ENTREP2: variants seen among roughly 807,000 people sequenced by gnomAD.
ENTREP2 encodes the protein endosomal transmembrane epsin interactor 2.
At chr15:29,514,083 T>TA in the ENTREP2 span, among the ~76,000 whole-genome samples, 1 of 152,330 alleles carries the variant, frequency 6.6e-6, no homozygotes, top group East Asian at 1.9e-4. Context: ...TTTTATGTGG[T>TA]AAAAAACATG....
chr15:29,319,760 T>C, the ENTREP2 span, among the ~76,000 whole-genome samples: 4 of 152,128 alleles, frequency 2.6e-5, no homozygotes, highest in Non-Finnish European at 5.9e-5. Context: ...CCGGCTGAGA[T>C]CTGCTCACCT....
At chr15:29,399,308 A>G in the ENTREP2 span, among the ~76,000 whole-genome samples, 9 of 152,370 alleles carry the variant, frequency 5.9e-5, no homozygotes, top group South Asian at 8.3e-4. Context: ...GAAACTCTGA[A>G]ATAATAAGGT....
the ENTREP2 span, among the ~76,000 whole-genome samples, chr15:29,241,240 G>A: frequency 1.3e-5 from 2 of 152,202 alleles, no homozygotes; most frequent in Non-Finnish European, 2.9e-5. Context: ...CTTCTCAGCA[G>A]GGGTAAAGTA....
At chr15:29,622,472 T>C in the ENTREP2 span, among the ~76,000 whole-genome samples, 2 of 152,144 alleles carry the variant, frequency 1.3e-5, no homozygotes, top group Non-Finnish European at 2.9e-5. Flanking sequence ...CCTCCCAAAG[T>C]GCTAAGATTA....
the ENTREP2 span, among the ~76,000 whole-genome samples, chr15:29,632,436 AT>A: frequency 6.6e-6 from 1 of 152,014 alleles, no homozygotes; most frequent in Non-Finnish European, 1.5e-5. Context: ...TGTTTCTTTT[AT>A]TTTCAAATAC....
the ENTREP2 span, among the ~76,000 whole-genome samples, chr15:29,417,690 G>A: frequency 6.6e-6 from 1 of 151,788 alleles, no homozygotes; most frequent in Non-Finnish European, 1.5e-5. Context: ...CGTAAAAAAA[G>A]AAATGTTGAT....
the ENTREP2 span, among the ~76,000 whole-genome samples, chr15:29,535,868 G>A: frequency 2.6e-5 from 4 of 151,960 alleles, no homozygotes; most frequent in African/African-American, 9.7e-5. Context: ...GACAGTGTGA[G>A]AACCACTGCT....
chr15:29,486,867 T>G, the ENTREP2 span, among the ~76,000 whole-genome samples: 10 of 151,996 alleles, frequency 6.6e-5, no homozygotes, highest in Admixed American at 2.6e-4. Context: ...ATTAGAATTG[T>G]GGGTGCAGAG....
chr15:29,587,374 G>A, the ENTREP2 span, among the ~76,000 whole-genome samples: 1 of 152,034 alleles, frequency 6.6e-6, no homozygotes, highest in Non-Finnish European at 1.5e-5. Flanking sequence ...ATACTAGAGC[G>A]ATGACAAAAG....
the ENTREP2 span, among the ~76,000 whole-genome samples, chr15:29,254,458 T>C: frequency 1.3e-5 from 2 of 152,244 alleles, no homozygotes; most frequent in African/African-American, 4.8e-5. Flanking sequence ...ATTGCTTATA[T>C]GTGTGCAGTG....
chr15:29,573,272 G>A, the ENTREP2 span, among the ~76,000 whole-genome samples: 8 of 152,180 alleles, frequency 5.3e-5, no homozygotes, highest in Non-Finnish European at 1.0e-4. Flanking sequence ...CAAAGGGAGA[G>A]ACTGATCTAG....
chr15:29,182,903 T>C, the ENTREP2 span, among the ~76,000 whole-genome samples: 2 of 152,152 alleles, frequency 1.3e-5, no homozygotes, highest in Non-Finnish European at 1.5e-5. Context: ...GCTGTAATAA[T>C]TGATGACTAT....
At chr15:29,124,089 C>G in the ENTREP2 span, among the ~76,000 whole-genome samples, 14 of 152,236 alleles carry the variant, frequency 9.2e-5, no homozygotes, top group East Asian at 2.7e-3. Context: ...TGAGACCGCC[C>G]CCCCCATCAT....
the ENTREP2 span, among the ~76,000 whole-genome samples, chr15:29,287,398 GAAA>G: frequency 8.1e-6 from 1 of 124,150 alleles, no homozygotes; most frequent in African/African-American, 3.0e-5. Flanking sequence ...AAAAAAAAAA[GAAA>G]AAAAAAAAAA....
At chr15:29,647,449 C>T in the ENTREP2 span, among the ~76,000 whole-genome samples, 10 of 152,096 alleles carry the variant, frequency 6.6e-5, no homozygotes, top group Admixed American at 3.3e-4. Flanking sequence ...CTAGGTTTCC[C>T]GCAGTGCCCC....
chr15:29,534,866 C>T, the ENTREP2 span, among the ~76,000 whole-genome samples: 1 of 152,212 alleles, frequency 6.6e-6, no homozygotes, highest in Admixed American at 6.5e-5. Flanking sequence ...TATCTGTAGA[C>T]TGATGGACTG....
At chr15:29,241,512 G>A in the ENTREP2 span, among the ~76,000 whole-genome samples, 1 of 152,120 alleles carries the variant, frequency 6.6e-6, no homozygotes, top group East Asian at 1.9e-4. Flanking sequence ...ACTTTGTTTT[G>A]CTCCAGTTTG....
At chr15:29,235,142 C>T in the ENTREP2 span, 1 of 923,404 alleles carries the variant, frequency 1.1e-6, no homozygotes, top group Non-Finnish European at 1.8e-6. Flanking sequence ...AGACATGGCT[C>T]TGCCTGAGCG....
At chr15:29,384,409 G>A in the ENTREP2 span, among the ~76,000 whole-genome samples, 1 of 152,090 alleles carries the variant, frequency 6.6e-6, no homozygotes, top group Non-Finnish European at 1.5e-5. Context: ...GCACGCTCCT[G>A]TTTCACCTGC....
Sources: gnomAD v4.1 joint callset for allele counts (sites outside exome capture counted in the v4.1 genomes callset) on GRCh38, gnomAD v4.1.1 for gene constraint, MANE v1.5 for transcripts, NCBI Gene and HGNC (gene_info 2026-07-23, HGNC 2026-07-21) for gene names.